CFAP299: variants seen among roughly 807,000 people sequenced by gnomAD.
CFAP299 encodes cilia- and flagella-associated protein 299.
CFAP299 carries 21 observed loss-of-function variants against 27.0 expected under a neutral mutation model. That is an observed-to-expected ratio of 0.78 (90% CI 0.55 to 1.12). The LOEUF (loss-of-function observed/expected upper bound fraction) is 1.12. Among genes scored for constraint, CFAP299 ranks in the 50% most tolerant of loss-of-function variants. CFAP299 has a pLI of 0.00. For synonymous variants in CFAP299, 104 were observed against 98.1 expected, an observed-to-expected ratio of 1.06 and a Z score of -0.36; for missense variants, 310 against 276.6, an observed-to-expected ratio of 1.12 and a Z score of -0.86.
chr4:80,439,127 A>G (rs1728228057), intron 2 of CFAP299, among the ~76,000 whole-genome samples: 1 of 152,168 alleles, frequency 6.6e-6, no homozygotes, highest in Admixed American at 6.5e-5. Flanking sequence ...CCCTTCCTAT[A>G]TTTATCACTT....
intron 2 of CFAP299, among the ~76,000 whole-genome samples, chr4:80,507,303 T>TAAG (rs1349984610): frequency 6.6e-6 from 1 of 152,166 alleles, no homozygotes; most frequent in Non-Finnish European, 1.5e-5. Context: ...ACAGTAGTGA[T>TAAG]AAGAACATTC....
At chr4:80,601,638 G>C (rs1737354669) in intron 3 of CFAP299, among the ~76,000 whole-genome samples, 2 of 152,174 alleles carry the variant, frequency 1.3e-5, no homozygotes, top group African/African-American at 2.4e-5. Context: ...CAGACTAAAA[G>C]AAAGTTTGTT....
At chr4:80,937,544 T>G (rs1434925769) in intron 4 of CFAP299, among the ~76,000 whole-genome samples, 2 of 151,908 alleles carry the variant, frequency 1.3e-5, no homozygotes, top group African/African-American at 2.4e-5. Flanking sequence ...GTCTCTCAAA[T>G]ACCTGGGCTC....
chr4:80,669,414 A>G (rs1741343785), intron 3 of CFAP299, among the ~76,000 whole-genome samples: 1 of 151,196 alleles, frequency 6.6e-6, no homozygotes, highest in South Asian at 2.1e-4. Flanking sequence ...AGACCTCCTA[A>G]AGTGCTAGGA....
At chr4:80,419,219 A>C (rs1727166924) in intron 2 of CFAP299, among the ~76,000 whole-genome samples, 1 of 152,198 alleles carries the variant, frequency 6.6e-6, no homozygotes, top group African/African-American at 2.4e-5. Flanking sequence ...GCAACTTAAG[A>C]GTTTAAGTGT....
intron 3 of CFAP299, among the ~76,000 whole-genome samples, chr4:80,765,992 G>A (rs1176703868): frequency 2.6e-5 from 4 of 151,386 alleles, no homozygotes; most frequent in Non-Finnish European, 5.9e-5. Flanking sequence ...TATAGAGAAT[G>A]GCAGTGAGTC....
intron 3 of CFAP299, among the ~76,000 whole-genome samples, chr4:80,711,226 G>A (rs887096726): frequency 2.6e-5 from 4 of 152,182 alleles, no homozygotes; most frequent in Non-Finnish European, 1.5e-5. Flanking sequence ...GCAGGGGAGA[G>A]CCGGCTGTTC....
the CFAP299 span, among the ~76,000 whole-genome samples, chr4:80,327,693 TATATATA>T: frequency 8.0e-5 from 2 of 24,934 alleles, no homozygotes; most frequent in Non-Finnish European, 1.1e-4. Flanking sequence ...AGAGAAGTTA[TATATATA>T]TATATATATA....
intron 3 of CFAP299, among the ~76,000 whole-genome samples, chr4:80,824,247 G>A (rs1458241213): frequency 6.6e-6 from 1 of 152,094 alleles, no homozygotes; most frequent in Admixed American, 6.6e-5. Flanking sequence ...CCAATAAATT[G>A]TAGTTAATTG....
intron 3 of CFAP299, among the ~76,000 whole-genome samples, chr4:80,857,474 G>C (rs1341357578): frequency 6.6e-6 from 1 of 152,104 alleles, no homozygotes; most frequent in Non-Finnish European, 1.5e-5. Flanking sequence ...GGGCATCCCT[G>C]TCTTGTGCCA....
At chr4:80,373,062 T>C (rs1242457614) in intron 2 of CFAP299, among the ~76,000 whole-genome samples, 3 of 152,190 alleles carry the variant, frequency 2.0e-5, no homozygotes, top group Admixed American at 2.0e-4. Flanking sequence ...TTGTGCCAGC[T>C]GCCATGTATG....
At chr4:80,468,559 G>T (rs925790270) in intron 2 of CFAP299, among the ~76,000 whole-genome samples, 1 of 152,012 alleles carries the variant, frequency 6.6e-6, no homozygotes, top group African/African-American at 2.4e-5. Context: ...GTGAGGCTGG[G>T]CATGGCGACT....
At chr4:80,494,908 T>G (rs1731358480) in intron 2 of CFAP299, among the ~76,000 whole-genome samples, 1 of 152,214 alleles carries the variant, frequency 6.6e-6, no homozygotes, top group South Asian at 2.1e-4. Context: ...AAGTTCAAAT[T>G]CTAGCAGGTC....
intron 3 of CFAP299, among the ~76,000 whole-genome samples, chr4:80,613,445 T>C (rs971479188): frequency 1.1e-4 from 17 of 152,146 alleles, no homozygotes; most frequent in African/African-American, 4.1e-4. Context: ...CAACTCAATT[T>C]ATTATAAACA....
intron 2 of CFAP299, among the ~76,000 whole-genome samples, chr4:80,509,161 T>C (rs1393623015): frequency 1.3e-5 from 2 of 152,170 alleles, no homozygotes; most frequent in African/African-American, 4.8e-5. Flanking sequence ...ATAGCTCTTA[T>C]AAGTTAAATA....
chr4:80,948,836 T>C (rs928444922), intron 5 of CFAP299, among the ~76,000 whole-genome samples: 5 of 151,950 alleles, frequency 3.3e-5, no homozygotes, highest in African/African-American at 1.2e-4. Flanking sequence ...ATAATAACAA[T>C]AATAATAATA....
chr4:80,404,175 G>A (rs1419341917), intron 2 of CFAP299, among the ~76,000 whole-genome samples: 1 of 151,568 alleles, frequency 6.6e-6, no homozygotes, highest in Non-Finnish European at 1.5e-5. Flanking sequence ...GAAATTGCTG[G>A]GTCAATGGTG....
chr4:80,597,785 C>G (rs1209855606), intron 3 of CFAP299, among the ~76,000 whole-genome samples: 1 of 152,118 alleles, frequency 6.6e-6, no homozygotes, highest in East Asian at 1.9e-4. Context: ...CTTCCAGGTT[C>G]AGGCAATTCT....
chr4:80,427,260 A>ATATTT (rs941849662), intron 2 of CFAP299, among the ~76,000 whole-genome samples: 3 of 152,266 alleles, frequency 2.0e-5, no homozygotes, highest in Admixed American at 6.5e-5. Context: ...TTCCACCAAC[A>ATATTT]TATTTTATTT....
Sources: allele counts gnomAD v4.1 joint callset (sites outside exome capture counted in the v4.1 genomes callset), GRCh38; gene constraint gnomAD v4.1.1; transcripts MANE v1.5; gene names NCBI Gene and HGNC (gene_info 2026-07-23, HGNC 2026-07-21).